The following MTHFD1L variants were observed in gnomAD, a reference collection of about 807,000 sequenced individuals.
The protein encoded by MTHFD1L is monofunctional C1-tetrahydrofolate synthase, mitochondrial.
In MTHFD1L, 81 loss-of-function variants were observed where a neutral mutation model predicts 119.5. The ratio of observed to expected loss-of-function variants is 0.68; its 90% CI spans 0.57 to 0.82. MTHFD1L has a LOEUF of 0.82. Among genes scored for constraint, MTHFD1L ranks in the 40% least tolerant of loss-of-function variants. MTHFD1L has a pLI of 0.00. For synonymous variants in MTHFD1L, 430 were observed against 475.2 expected (o/e 0.90, Z 1.24); for missense variants, 1,125 against 1,253.4 (o/e 0.90, Z 1.55).
chr6:151,013,693 A>G, intron 21 of MTHFD1L, 86 bp from the exon 22 acceptor site: 1 of 1,222,314 alleles, frequency 8.2e-7, no homozygotes, highest in Non-Finnish European at 1.2e-6. Flanking sequence ...CTAAAAATTG[A>G]ATGTGATTAT....
Position 150,926,289 on chromosome 6 carries a change from T to C in MTHFD1L, c.1250T>C (p.Val417Ala). 6.2e-7 allele frequency: 1 copy of C among 1,611,010 alleles called. No homozygotes were observed. The highest frequency in any genetic ancestry group is 8.5e-7 in the Non-Finnish European group (1 of 1,177,646). Reference protein sequence around the residue: ...KDQADGKYVLVAGITPTPLGE... With the variant: ...KDQADGKYVLAAGITPTPLGE... ...CAAGCAGATGGAAAATACGTCTTAG[T>C]TGCTGGGTAAGACACCATCTAACAT... is the stretch of plus-strand genomic sequence containing the variant. The change falls in exon 11 of 28, where the codon GTT becomes GCT. Residue 417 changes from valine to alanine, a missense_variant. Coordinates refer to ENST00000367321, the MANE Select transcript of MTHFD1L (RefSeq NM_015440.5). The surrounding 1 kb of genome is among the most constrained non-coding windows in gnomAD (Gnocchi z 4.3).
Position 150,956,091 on chromosome 6 carries a change from C to T in MTHFD1L, c.1803+20C>T, listed in dbSNP as rs146605553. 746 of 1,604,928 alleles carry T rather than the reference C, an allele frequency of 4.6e-4. 1 individual carries two copies. The African/African-American group carries it at 8.6e-3, about 19-fold the overall frequency. ...CGGCAGGTAGGTGGTGCTTTCTTCC[C>T]GGGTGTGGCTCTGTTCTTACGTTCA... On this transcript the variant is annotated intron_variant, in intron 17 of 27. Transcript: ENST00000367321.
At chr6:150,869,814 T>G (rs1019079484) in intron 1 of MTHFD1L, among the ~76,000 whole-genome samples, 3 of 152,098 alleles carry the variant, frequency 2.0e-5, no homozygotes, top group African/African-American at 7.2e-5. Context: ...TCAGAAAAAT[T>G]AAAGAATGAG....
At chr6:151,083,138 A>G (rs1298436856) in intron 26 of MTHFD1L, among the ~76,000 whole-genome samples, 1 of 152,236 alleles carries the variant, frequency 6.6e-6, no homozygotes, top group Admixed American at 6.5e-5. Context: ...TTACAGTGAA[A>G]TAAGGAAAGG....
At chr6:151,090,786 C>T (rs1228244261) in intron 26 of MTHFD1L, among the ~76,000 whole-genome samples, 12 of 152,256 alleles carry the variant, frequency 7.9e-5, no homozygotes, top group African/African-American at 2.2e-4. Flanking sequence ...CATTAACCCT[C>T]GGGAGAGCAG....
In MTHFD1L at chr6:150,882,771, G is replaced by T. The variant is rs1781581240; in HGVS notation, c.427G>T (p.Glu143Ter). 1 of 1,500,054 alleles carries T rather than the reference G, an allele frequency of 6.7e-7. No individual in the cohort carries two copies. The highest frequency in any genetic ancestry group is 8.8e-7 in the Non-Finnish European group (1 of 1,130,244). The allele number at this position is 1,500,054 out of a possible 1,614,324, so 92.9% of individuals were successfully genotyped here. A position where few individuals can be genotyped will look rare whatever the true frequency, so the allele number is the denominator to read the frequency against. ...PDSSEAEIID[E>*]ILKINEDTRV... is the part of the protein sequence containing the mutation. ...TTTGTTTTCTCTTTAGATTATAGAT[G>T]AAATCTTAAAGATCAATGAAGATAC... The change falls in exon 5 of 28, where the codon GAA becomes TAA. Residue 143 changes from glutamate (E) to a stop codon, truncating the protein, a stop_gained. Coordinates refer to ENST00000367321, the MANE Select transcript of MTHFD1L (RefSeq NM_015440.5). LOFTEE classifies it high-confidence loss of function.
At chr6:151,034,405 G>A in intron 24 of MTHFD1L, 88 bp from the exon 25 acceptor site, 2 of 869,204 alleles carry the variant, frequency 2.3e-6, no homozygotes, top group Non-Finnish European at 1.9e-6. Flanking sequence ...GGAATTTTAA[G>A]CAATTACAGA....
intron 8 of MTHFD1L, among the ~76,000 whole-genome samples, chr6:150,914,840 T>C (rs974495920): frequency 2.0e-5 from 3 of 152,226 alleles, no homozygotes; most frequent in Non-Finnish European, 4.4e-5. Flanking sequence ...CTCTTCCTTA[T>C]CTCAGGCTTT....
chr6:151,073,580 A>G (rs1792168703), intron 26 of MTHFD1L, among the ~76,000 whole-genome samples: 1 of 152,366 alleles, frequency 6.6e-6, no homozygotes, highest in South Asian at 2.1e-4. Flanking sequence ...TGTAGTTTGC[A>G]TGTTTAAGAA....
intron 9 of MTHFD1L, among the ~76,000 whole-genome samples, chr6:150,920,860 C>G (rs1788779197): frequency 6.6e-6 from 1 of 151,900 alleles, no homozygotes; most frequent in African/African-American, 2.4e-5. Flanking sequence ...GCAGCCTCCA[C>G]CTCCCAGGTT....
At chr6:151,098,955 C>T (rs1038658265) in intron 27 of MTHFD1L, among the ~76,000 whole-genome samples, 1 of 152,044 alleles carries the variant, frequency 6.6e-6, no homozygotes, top group Non-Finnish European at 1.5e-5. Flanking sequence ...GCAGGCGGAT[C>T]ACCTGAGGTC....
At chr6:150,927,011 G>C (rs1443163230) in intron 11 of MTHFD1L, among the ~76,000 whole-genome samples, 1 of 152,162 alleles carries the variant, frequency 6.6e-6, no homozygotes. Context: ...TTTCATTTCA[G>C]TGACTATTGC....
rs71014527 is a variant in MTHFD1L at position 150,865,721 on chromosome 6, C to CCCGCCG, written c.-81_-76dup. 0.057 allele frequency: 55,498 copies of CCCGCCG among 965,814 alleles called. 2,199 individuals carry two copies. The highest frequency in any genetic ancestry group is 0.19 in the African/African-American group (10,013 of 53,444). The allele number at this position is 965,814 out of a possible 1,614,324, so 59.8% of individuals were successfully genotyped here. On this transcript the variant is annotated 5_prime_UTR_variant, in exon 1 of 28. Coordinates refer to ENST00000367321, the MANE Select transcript of MTHFD1L (RefSeq NM_015440.5). ...GACGAGGAGGAAGCGCCAGGTCCTT[C>CCCGCCG]CCGCCGCCGCCGCCGCCGCCGCCGC... is the stretch of plus-strand genomic sequence containing the variant.
intron 20 of MTHFD1L, among the ~76,000 whole-genome samples, chr6:150,998,995 A>AAAAAAAAAAATGTATATATAT (rs986639098): frequency 0.015 from 2,217 of 143,258 alleles, 52 homozygotes; most frequent in African/African-American, 0.028. Context: ...GTCTTAAAAA[A>AAAAAAAAAAATGTATATATAT]ATATATATAC....
At chr6:151,099,768 C>A (rs150856912) in intron 27 of MTHFD1L, 4 of 1,608,542 alleles carry the variant, frequency 2.5e-6, no homozygotes, top group Non-Finnish European at 1.7e-6. Flanking sequence ...TGGTCCACAA[C>A]GTCAAGGAGC....
intron 20 of MTHFD1L, among the ~76,000 whole-genome samples, chr6:150,982,858 C>T (rs530317802): frequency 1.3e-5 from 2 of 152,244 alleles, no homozygotes; most frequent in South Asian, 2.1e-4. Flanking sequence ...CACCATCACA[C>T]GTGGCTAAGT....
At chr6:151,076,474 A>C (rs1159644487) in intron 26 of MTHFD1L, among the ~76,000 whole-genome samples, 3 of 152,036 alleles carry the variant, frequency 2.0e-5, no homozygotes, top group African/African-American at 7.2e-5. Flanking sequence ...ACATGGGGAA[A>C]CCCCAACTCT....
Position 150,905,719 on chromosome 6 carries a change from C to A in MTHFD1L, c.850C>A (p.Pro284Thr), listed in dbSNP as rs747595859. Residue 284 changes from proline (P) to threonine (T), a missense_variant, in exon 8 of 28, where the codon CCA becomes ACA. By Grantham distance (38) the Pro-to-Thr change is conservative (BLOSUM62 -1). Around this residue, in one of 3 missense-constraint regions of MTHFD1L, gnomAD observed 1,058 missense variants for 1,151.2 expected, o/e 0.92. Transcript: ENST00000367321. Reference protein sequence around the residue: ...PEEIPLTWIQPGTTVLNCSHD... With the variant: ...PEEIPLTWIQTGTTVLNCSHD... ...AGAGATTCCCCTTACTTGGATACAACCAGGAACTACTGTTCTCAACTGCTC... is the reference window on the plus strand; with the variant it reads ...AGAGATTCCCCTTACTTGGATACAAACAGGAACTACTGTTCTCAACTGCTC... The A allele has an allele frequency of 6.2e-7, 1 of 1,614,124 alleles. No individual in the cohort carries two copies. The highest frequency in any genetic ancestry group is 1.7e-5 in the Admixed American group (1 of 60,024).
chr6:151,022,441 C>T (rs755221340), intron 24 of MTHFD1L: 35 of 180,684 alleles, frequency 1.9e-4, no homozygotes, highest in Non-Finnish European at 3.1e-4. Flanking sequence ...CCCCTTTAAT[C>T]GCTTTTACAT....
Sources: gnomAD v4.1 joint callset for allele counts (sites outside exome capture counted in the v4.1 genomes callset) on GRCh38, gnomAD v4.1.1 for gene constraint, gnomAD v4.1.1 regional missense constraint, Gnocchi (gnomAD v3.1) non-coding constraint, MANE v1.5 for transcripts, NCBI Gene and HGNC (gene_info 2026-07-23, HGNC 2026-07-21) for gene names.